The following CTNNA3 variants were observed in gnomAD, a reference collection of about 807,000 sequenced individuals.
CTNNA3 encodes the protein catenin alpha 3, also known as catenin alpha-3.
A neutral mutation model predicts 95.7 loss-of-function variants in CTNNA3; 76 were observed. The observed-to-expected ratio is 0.79, with a 90% CI of 0.66 to 0.96. The LOEUF is 0.96. CTNNA3 is among the 40% of genes least tolerant of loss of function. The pLI is 0.00. For missense variants in CTNNA3, 1,191 were observed against 1,089.8 expected (o/e 1.09, Z -1.31); for synonymous variants, 431 against 374.4 (o/e 1.15, Z -1.74).
intron 3 of CTNNA3, among the ~76,000 whole-genome samples, chr10:67,561,772 A>C (rs1841518242): frequency 1.3e-5 from 2 of 152,150 alleles, no homozygotes; most frequent in South Asian, 4.1e-4. Context: ...AGAGAGAAGA[A>C]TCAAACAGAT....
At chr10:67,398,304 C>T (rs1047815499) in intron 5 of CTNNA3, among the ~76,000 whole-genome samples, 7 of 152,220 alleles carry the variant, frequency 4.6e-5, no homozygotes, top group Admixed American at 1.3e-4. Flanking sequence ...GACATGAAGT[C>T]AAAGAGCATT....
chr10:67,572,620 A>G (rs555671582), intron 3 of CTNNA3, among the ~76,000 whole-genome samples: 1 of 152,204 alleles, frequency 6.6e-6, no homozygotes, highest in African/African-American at 2.4e-5. Context: ...ATTTCCTAAG[A>G]TGTCTGCCTT....
intron 11 of CTNNA3, among the ~76,000 whole-genome samples, chr10:66,460,134 G>T (rs2093519109): frequency 6.6e-6 from 1 of 152,046 alleles, no homozygotes; most frequent in Non-Finnish European, 1.5e-5. Context: ...AGATCTATTT[G>T]ATTATTTTTG....
In CTNNA3 at chr10:66,444,034, C is replaced by T. The variant is rs527438789; in HGVS notation, c.1532-64682G>A. Among the ~76,000 whole-genome samples, 183 of 152,190 alleles carry T rather than the reference C, an allele frequency of 1.2e-3. 2 individuals are homozygous for T. Among genetic ancestry groups the T allele is most frequent in the African/African-American group, 4.0e-3 (166 of 41,514 alleles). ...AAGAACTACGTGAAGAACGCAGAAG[C>T]CTCAGGAGCCGATGCGATCAACTGG... On this transcript the variant is annotated intron_variant, in intron 11 of 17. Transcript: ENST00000433211.
chr10:66,381,749 AC>A (rs1458865618), intron 11 of CTNNA3, among the ~76,000 whole-genome samples: 35 of 152,202 alleles, frequency 2.3e-4, no homozygotes, highest in African/African-American at 8.2e-4. Flanking sequence ...TAGGGCTTTA[AC>A]CTAATTTGCA....
chr10:66,175,533 G>C (rs2085661309), intron 13 of CTNNA3, among the ~76,000 whole-genome samples: 1 of 152,200 alleles, frequency 6.6e-6, no homozygotes, highest in Admixed American at 6.5e-5. Context: ...AAGTCAGGGT[G>C]AAGGACTGCT....
chr10:66,520,174 T>C (rs1841005131), intron 11 of CTNNA3, among the ~76,000 whole-genome samples: 1 of 151,190 alleles, frequency 6.6e-6, no homozygotes. Context: ...CATAGCAACA[T>C]ATTGCATCCA....
chr10:67,099,459 T>C (rs1858208299), intron 7 of CTNNA3: 1 of 151,924 alleles, frequency 6.6e-6, no homozygotes, highest in South Asian at 2.1e-4. Flanking sequence ...ATCAAAACAA[T>C]GAAGAAAAGA....
chr10:67,686,951 T>C (rs1200340216), intron 1 of CTNNA3, among the ~76,000 whole-genome samples: 1 of 152,106 alleles, frequency 6.6e-6, no homozygotes, highest in Non-Finnish European at 1.5e-5. Context: ...AGATAATAGC[T>C]CCAGCTTTGG....
chr10:66,568,213 T>A (rs1003242567), intron 10 of CTNNA3, among the ~76,000 whole-genome samples: 1 of 152,122 alleles, frequency 6.6e-6, no homozygotes, highest in African/African-American at 2.4e-5. Flanking sequence ...CCTTAAAAAA[T>A]CATCTATTAT....
At chr10:66,726,652 CA>C (rs1848790161) in intron 9 of CTNNA3, among the ~76,000 whole-genome samples, 2 of 152,140 alleles carry the variant, frequency 1.3e-5, no homozygotes, top group South Asian at 2.1e-4. Flanking sequence ...GAAGAGGGAG[CA>C]TATGGAATAC....
chr10:67,059,790 G>A (rs932470872), intron 7 of CTNNA3, among the ~76,000 whole-genome samples: 1 of 152,006 alleles, frequency 6.6e-6, no homozygotes, highest in Non-Finnish European at 1.5e-5. Context: ...TCAAAATTAG[G>A]AGTCCATGAC....
At chr10:67,372,093 ATTTG>A (rs1474625116) in intron 5 of CTNNA3, among the ~76,000 whole-genome samples, 5 of 151,626 alleles carry the variant, frequency 3.3e-5, no homozygotes, top group African/African-American at 2.4e-5. Context: ...TTTCTTGTAA[ATTTG>A]TTTGAGTTCT....
At chr10:66,851,375 C>T (rs10466006) in intron 7 of CTNNA3, among the ~76,000 whole-genome samples, 132,856 of 152,036 alleles carry the variant, frequency 0.87, 58,511 homozygotes, top group African/African-American at 0.97. Context: ...ACTCACAAAC[C>T]TGAAAAACGC....
chr10:66,868,565 A>C (rs1248993930), intron 7 of CTNNA3, among the ~76,000 whole-genome samples: 1 of 151,634 alleles, frequency 6.6e-6, no homozygotes, highest in Non-Finnish European at 1.5e-5. Context: ...AGCATGGCCA[A>C]CATGGTGAAA....
intron 13 of CTNNA3, among the ~76,000 whole-genome samples, chr10:66,277,696 TG>T (rs1201619224): frequency 6.6e-6 from 1 of 152,070 alleles, no homozygotes; most frequent in African/African-American, 2.4e-5. Flanking sequence ...CCCTAGAGGC[TG>T]CTTAGGGAAC....
intron 7 of CTNNA3, among the ~76,000 whole-genome samples, chr10:67,046,834 A>G (rs191495559): frequency 7.2e-5 from 11 of 152,326 alleles, no homozygotes; most frequent in African/African-American, 2.2e-4. Flanking sequence ...AGCTTTCAAC[A>G]GGACTTTTTG....
At chr10:66,279,024 G>A (rs1382210294) in intron 13 of CTNNA3, among the ~76,000 whole-genome samples, 1 of 152,018 alleles carries the variant, frequency 6.6e-6, no homozygotes, top group Admixed American at 6.6e-5. Flanking sequence ...GTTGTAGGTT[G>A]CTCACAAGTA....
At position 66,361,630 on chromosome 10, in the gene CTNNA3, T is replaced by C. The variant is rs376931222; in HGVS notation, c.1732+17522A>G. ...TTGGCTCACTGCAACCTTCACCTCC[T>C]GGGCTCAAGGGATCTTCCTACCTAA... On this transcript the variant is annotated intron_variant, in intron 12 of 17. Transcript: ENST00000433211. 4.0e-4 allele frequency among the ~76,000 whole-genome samples: 61 copies of C among 151,782 alleles called. 1 individual carries two copies. In the South Asian group the frequency reaches 0.013, roughly 31 times the overall value.
Sources: gnomAD v4.1 joint callset for allele counts (sites outside exome capture counted in the v4.1 genomes callset) on GRCh38, gnomAD v4.1.1 for gene constraint, MANE v1.5 for transcripts, NCBI Gene and HGNC (gene_info 2026-07-23, HGNC 2026-07-21) for gene names.